INVS: variants seen among roughly 807,000 people sequenced by gnomAD.
The protein encoded by INVS is inversion of embryo turning homolog.
INVS carries 86 observed loss-of-function variants against 108.8 expected under a neutral mutation model. That is an observed-to-expected ratio of 0.79 (90% confidence interval 0.66 to 0.95). The LOEUF is 0.95. Among genes scored for constraint, INVS ranks in the 40% least tolerant of loss-of-function variants. The pLI, the probability that INVS is intolerant of heterozygous loss-of-function variation, is 0.00. For synonymous variants in INVS, 455 were observed against 473.5 expected (o/e 0.96, Z 0.51); for missense variants, 1,169 against 1,297.4 (o/e 0.90, Z 1.52).
At chr9:100,165,680 A>T (rs541768276) in intron 3 of INVS, among the ~76,000 whole-genome samples, 44 of 152,294 alleles carry the variant, frequency 2.9e-4, no homozygotes, top group African/African-American at 1.0e-3. Context: ...TTACTATATC[A>T]ATCCATTGAA....
At chr9:100,119,859 A>G (rs945296035) in intron 2 of INVS, among the ~76,000 whole-genome samples, 1 of 152,186 alleles carries the variant, frequency 6.6e-6, no homozygotes, top group South Asian at 2.1e-4. Flanking sequence ...CACCTGGTCC[A>G]GAATTCACTT....
rs140120958 is a variant in INVS, at chr9:100,231,664, C to G, written c.615+1837C>G. Reference sequence around the variant, plus strand: ...TGATGGTTTCCAGCTTCAACCATCTCCCTGCAAAGAACATGAACTCATTCT... The same window carrying G: ...TGATGGTTTCCAGCTTCAACCATCTGCCTGCAAAGAACATGAACTCATTCT... On this transcript the variant is annotated intron_variant, in intron 5 of 16. Transcript: ENST00000262457. Among the ~76,000 whole-genome samples the G allele has an allele frequency of 6.8e-3, 1,035 of 152,206 alleles. 7 individuals are homozygous for G. Among genetic ancestry groups the G allele is most frequent in the Admixed American group, 0.013 (197 of 15,290 alleles).
chr9:100,294,182 G>A (rs1833717557), intron 14 of INVS, among the ~76,000 whole-genome samples: 2 of 152,116 alleles, frequency 1.3e-5, no homozygotes, highest in Non-Finnish European at 2.9e-5. Flanking sequence ...AAAGAAATAG[G>A]TGGAAGTTAT....
At chr9:100,256,862 G>T (rs567046441) in intron 10 of INVS, among the ~76,000 whole-genome samples, 1 of 152,174 alleles carries the variant, frequency 6.6e-6, no homozygotes, top group Non-Finnish European at 1.5e-5. Flanking sequence ...GTGCAATGTG[G>T]TACTGAGAAG....
At chr9:100,190,479 A>G (rs1300282397) in intron 3 of INVS, among the ~76,000 whole-genome samples, 1 of 152,128 alleles carries the variant, frequency 6.6e-6, no homozygotes, top group African/African-American at 2.4e-5. Context: ...TGCTTTCAAG[A>G]TGTTCTATTC....
rs539004217 is a variant in INVS at position 100,251,164 on chromosome 9, GTTTTGTTTTGTTTTGT to G, written c.1079-1103_1079-1088del. 3.7e-3 allele frequency among the ~76,000 whole-genome samples: 569 copies of G among 152,034 alleles called. 4 individuals are homozygous for G. The highest frequency in any genetic ancestry group is 4.0e-3 in the Non-Finnish European group (273 of 67,978). On this transcript the variant is annotated intron_variant, in intron 8 of 16. Coordinates refer to ENST00000262457, the MANE Select transcript of INVS (RefSeq NM_014425.5). ...ATTGATGGGGAATTGTTTTGTTTTT[GTTTTGTTTTGTTTTGT>G]TTTTGTTTTGTTTTGCTTCCCTTCC... is the stretch of plus-strand genomic sequence containing the variant.
In INVS at chr9:100,183,848, TAAAC is replaced by T. The variant is rs560111795; in HGVS notation, c.274-42211_274-42208del. On this transcript the variant is annotated intron_variant, in intron 3 of 16. Coordinates refer to ENST00000262457, the MANE Select transcript of INVS (RefSeq NM_014425.5). ...GAAAAGATAAATAGGTAGCTAAAGA[TAAAC>T]AATTATTTTTTCTTAATTTCTTTAA... Among the ~76,000 whole-genome samples the T allele has an allele frequency of 1.4e-4, 19 of 131,270 alleles. 1 individual carries two copies. In the South Asian group the frequency reaches 4.8e-3, roughly 33 times the overall value. 86.1% of individuals were successfully genotyped at this position (131,270 alleles called of 152,430 possible). A position where few individuals can be genotyped will look rare whatever the true frequency, so the allele number is the denominator to read the frequency against.
chr9:100,189,493 G>A (rs10819736), intron 3 of INVS, among the ~76,000 whole-genome samples: 29,246 of 151,406 alleles, frequency 0.19, 4,486 homozygotes, highest in African/African-American at 0.43. Flanking sequence ...TGTTAACTCA[G>A]AAATAATTCA....
At chr9:100,180,276 G>T (rs1829847437) in intron 3 of INVS, among the ~76,000 whole-genome samples, 1 of 151,612 alleles carries the variant, frequency 6.6e-6, no homozygotes, top group Admixed American at 6.6e-5. Context: ...AAATAACTAA[G>T]ATCAGAGCAG....
intron 2 of INVS, among the ~76,000 whole-genome samples, chr9:100,104,926 C>A (rs915121823): frequency 2.0e-5 from 3 of 152,034 alleles, no homozygotes; most frequent in Admixed American, 2.0e-4. Flanking sequence ...TCGAATGAAA[C>A]AGTGGATAAT....
chr9:100,206,927 A>G (rs76988506), intron 3 of INVS, among the ~76,000 whole-genome samples: 2 of 152,122 alleles, frequency 1.3e-5, no homozygotes, highest in African/African-American at 4.8e-5. Flanking sequence ...ATATTTCCTT[A>G]TAATTAGATT....
At chr9:100,114,177 C>G (rs1397124515) in intron 2 of INVS, among the ~76,000 whole-genome samples, 1 of 152,108 alleles carries the variant, frequency 6.6e-6, no homozygotes, top group African/African-American at 2.4e-5. Flanking sequence ...AATATATAAT[C>G]ATGTGATCAC....
intron 12 of INVS, among the ~76,000 whole-genome samples, chr9:100,277,381 T>C (rs968083824): frequency 9.9e-5 from 15 of 152,236 alleles, no homozygotes; most frequent in Admixed American, 6.5e-5. Context: ...ACTCATCTGC[T>C]CACAAAGTCA....
intron 10 of INVS, among the ~76,000 whole-genome samples, chr9:100,253,431 A>G (rs1183255156): frequency 6.6e-6 from 1 of 150,830 alleles, no homozygotes; most frequent in African/African-American, 2.4e-5. Flanking sequence ...TTTTTTAATT[A>G]TACTTTAAGT....
intron 10 of INVS, among the ~76,000 whole-genome samples, chr9:100,262,525 C>CT (rs1832657454): frequency 6.7e-6 from 1 of 148,992 alleles, no homozygotes; most frequent in African/African-American, 2.5e-5. Context: ...ATTCCCTTAT[C>CT]TTTTTTATGC....
At chr9:100,272,833 A>G (rs772783772) in intron 11 of INVS, 31 bp from the exon 12 acceptor site, 1 of 1,226,966 alleles carries the variant, frequency 8.2e-7, no homozygotes, top group South Asian at 1.3e-5. Flanking sequence ...TTCTAAAATT[A>G]AAAAAAAAAG....
intron 3 of INVS, among the ~76,000 whole-genome samples, chr9:100,217,656 A>G (rs1027630255): frequency 2.0e-5 from 3 of 152,192 alleles, no homozygotes. Context: ...TAGAGTAGTA[A>G]GCAAGCCTGC....
intron 3 of INVS, among the ~76,000 whole-genome samples, chr9:100,182,833 T>C (rs1397958610): frequency 6.6e-6 from 1 of 152,324 alleles, no homozygotes; most frequent in African/African-American, 2.4e-5. Flanking sequence ...TGCACACATA[T>C]GTTTATTGCA....
At chr9:100,276,234 T>C (rs1274779332) in intron 12 of INVS, among the ~76,000 whole-genome samples, 1 of 152,182 alleles carries the variant, frequency 6.6e-6, no homozygotes, top group Non-Finnish European at 1.5e-5. Context: ...AACTCTAATC[T>C]CATATCTTCA....
Sources: allele counts gnomAD v4.1 joint callset (sites outside exome capture counted in the v4.1 genomes callset), GRCh38; gene constraint gnomAD v4.1.1; transcripts MANE v1.5; gene names NCBI Gene and HGNC (gene_info 2026-07-23, HGNC 2026-07-21).